The following FMN1 variants were observed in gnomAD, a reference collection of about 807,000 sequenced individuals.
FMN1 encodes formin-1.
A neutral mutation model predicts 132.4 loss-of-function variants in FMN1; 110 were observed. That is an observed-to-expected ratio of 0.83 (90% CI 0.71 to 0.97). FMN1 has a LOEUF of 0.97. Ranked by LOEUF, FMN1 falls within the 50% of genes least tolerant of loss-of-function variation. The probability of loss-of-function intolerance (pLI) is 0.00; values close to 1 mark genes in which losing one functional copy is unlikely to be tolerated. For synonymous variants in FMN1, 722 were observed against 651.7 expected, an observed-to-expected ratio of 1.11 and a Z score of -1.64; for missense variants, 1,792 against 1,705.3, an observed-to-expected ratio of 1.05 and a Z score of -0.90.
chr15:33,019,825 G>A (rs760873595), intron 6 of FMN1, among the ~76,000 whole-genome samples: 5 of 152,130 alleles, frequency 3.3e-5, no homozygotes, highest in Non-Finnish European at 5.9e-5. Flanking sequence ...CGCAAGCACC[G>A]CGTGCAGCCC....
chr15:32,936,770 G>A (rs77533289), intron 9 of FMN1, among the ~76,000 whole-genome samples: 9,602 of 152,110 alleles, frequency 0.063, 429 homozygotes, highest in Middle Eastern at 0.15. Context: ...AGCAAGAGGA[G>A]GAGGAAGCAG....
chr15:33,102,081 T>C (rs1413432326), intron 4 of FMN1, among the ~76,000 whole-genome samples: 1 of 152,092 alleles, frequency 6.6e-6, no homozygotes, highest in Non-Finnish European at 1.5e-5. Flanking sequence ...TTTCTATTCT[T>C]TTGGGTGTAC....
intron 7 of FMN1, among the ~76,000 whole-genome samples, chr15:32,985,081 A>G (rs907373337): frequency 5.3e-5 from 8 of 151,942 alleles, no homozygotes; most frequent in Non-Finnish European, 1.0e-4. Context: ...ATGTTGCGCG[A>G]AAGGATTAGC....
intron 19 of FMN1, among the ~76,000 whole-genome samples, chr15:32,784,590 G>C (rs1567161744): frequency 6.6e-6 from 1 of 152,182 alleles, no homozygotes; most frequent in Non-Finnish European, 1.5e-5. Context: ...CAAGATTTCA[G>C]ATTTTGGGCT....
rs538736467 is a variant in FMN1 at position 32,874,645 on chromosome 15, A to C, written c.3835+13527T>G. ...CAGTCAGATTCCTGTTCCTGAGCAG[A>C]AGAGAAATCAGAAGTAGGAATAAAT... is the stretch of plus-strand genomic sequence containing the variant. On this transcript the variant is annotated intron_variant, in intron 16 of 20. Transcript: ENST00000616417. 9.5e-4 allele frequency among the ~76,000 whole-genome samples: 144 copies of C among 152,308 alleles called. 2 individuals are homozygous for C. The highest frequency in any genetic ancestry group is 1.2e-3 in the Non-Finnish European group (79 of 68,024).
chr15:32,854,729 A>G (rs1466271042), intron 17 of FMN1, among the ~76,000 whole-genome samples: 1 of 152,106 alleles, frequency 6.6e-6, no homozygotes, highest in East Asian at 1.9e-4. Flanking sequence ...CCTGGCCAAC[A>G]TAGTGAAACC....
At chr15:33,174,984 A>G (rs547141070) in intron 3 of FMN1, among the ~76,000 whole-genome samples, 1 of 152,284 alleles carries the variant, frequency 6.6e-6, no homozygotes, top group South Asian at 2.1e-4. Flanking sequence ...TTTTCTTATC[A>G]CATCTGCTTT....
intron 5 of FMN1, among the ~76,000 whole-genome samples, chr15:33,070,072 C>A (rs1320024835): frequency 1.6e-5 from 2 of 129,026 alleles, no homozygotes; most frequent in Admixed American, 9.4e-5. Context: ...ATGGTGCAAT[C>A]TCCGCTCACC....
intron 2 of FMN1, among the ~76,000 whole-genome samples, chr15:33,186,024 C>A (rs1285729563): frequency 2.0e-5 from 3 of 152,028 alleles, no homozygotes; most frequent in Non-Finnish European, 4.4e-5. Context: ...AGACATTATT[C>A]ATCTCATCCC....
At chr15:33,061,029 C>T (rs909940659) in intron 6 of FMN1, among the ~76,000 whole-genome samples, 3 of 152,158 alleles carry the variant, frequency 2.0e-5, no homozygotes, top group Admixed American at 1.3e-4. Flanking sequence ...GTTGAGTGTT[C>T]GGAACAGGTT....
At position 33,065,001 on chromosome 15, in the gene FMN1, G is replaced by T. The variant is rs761198991; in HGVS notation, c.2117C>A (p.Thr706Lys). 1 of 1,612,016 alleles carries T rather than the reference G, an allele frequency of 6.2e-7. No individual in the cohort carries two copies. The highest frequency in any genetic ancestry group is 1.7e-5 in the Admixed American group (1 of 59,720). ...RLQAVWPPPK[T>K]KDTEEKVGLK... Reference sequence around the variant, plus strand: ...TCCCACTTTTTCTTCTGTGTCTTTTGTCTTTGGGGGTGGCCAGACAGCTTG... The same window carrying T: ...TCCCACTTTTTCTTCTGTGTCTTTTTTCTTTGGGGGTGGCCAGACAGCTTG... Residue 706 changes from threonine (T) to lysine (K), a missense_variant, in exon 6 of 21, where the codon ACA becomes AAA. By Grantham distance (78) the Thr-to-Lys change is moderately conservative. Around this residue, in one of 3 missense-constraint regions of FMN1, gnomAD observed 1,150 missense variants for 1,043.1 expected, o/e 1.10. Coordinates refer to ENST00000616417, the MANE Select transcript of FMN1 (RefSeq NM_001277313.2).
intron 4 of FMN1, among the ~76,000 whole-genome samples, chr15:33,143,969 G>A (rs77513182): frequency 0.011 from 1,650 of 152,152 alleles, 10 homozygotes; most frequent in Non-Finnish European, 0.018. Context: ...AAAACCTATC[G>A]CCTTGATAGA....
chr15:33,167,334 CTT>C (rs1323964446), intron 3 of FMN1, among the ~76,000 whole-genome samples: 1 of 152,186 alleles, frequency 6.6e-6, no homozygotes, highest in Non-Finnish European at 1.5e-5. Flanking sequence ...TAAGATGTGC[CTT>C]TACTTCTCCT....
At chr15:33,020,235 C>T (rs925247549) in intron 6 of FMN1, among the ~76,000 whole-genome samples, 14 of 152,314 alleles carry the variant, frequency 9.2e-5, no homozygotes, top group Admixed American at 8.5e-4. Context: ...GTATCAAATA[C>T]TATCGCCAGG....
At chr15:33,011,402 A>C (rs999980961) in intron 6 of FMN1, among the ~76,000 whole-genome samples, 1 of 152,112 alleles carries the variant, frequency 6.6e-6, no homozygotes, top group Non-Finnish European at 1.5e-5. Flanking sequence ...ACCTTATACT[A>C]TAATCTATTA....
chr15:32,988,948 T>A (rs1235517493), intron 7 of FMN1, among the ~76,000 whole-genome samples: 1 of 152,210 alleles, frequency 6.6e-6, no homozygotes, highest in Admixed American at 6.5e-5. Context: ...ACGCACAACA[T>A]CTGATAAATG....
At chr15:33,100,709 CCTT>C (rs1363512819) in intron 4 of FMN1, among the ~76,000 whole-genome samples, 2 of 152,128 alleles carry the variant, frequency 1.3e-5, no homozygotes, top group African/African-American at 4.8e-5. Context: ...GTGAATCTAT[CCTT>C]CTGTGAATTT....
intron 7 of FMN1, among the ~76,000 whole-genome samples, chr15:32,993,411 C>CA (rs1048091283): frequency 6.6e-6 from 1 of 152,006 alleles, no homozygotes; most frequent in African/African-American, 2.4e-5. Flanking sequence ...AGTTTTAAAA[C>CA]AAAACAAACA....
rs75798403 is a variant in FMN1 at position 32,773,994 on chromosome 15, C to A, written c.*316G>T. 43,647 of 357,572 alleles carry A rather than the reference C, an allele frequency of 0.12. 2,891 individuals are homozygous for A. The highest frequency in any genetic ancestry group is 0.18 in the Middle Eastern group (234 of 1,282). 22.1% of individuals were successfully genotyped at this position (357,572 alleles called of 1,614,324 possible). On this transcript the variant is annotated 3_prime_UTR_variant, in exon 21 of 21. Coordinates refer to ENST00000616417, the MANE Select transcript of FMN1 (RefSeq NM_001277313.2). ...AAGCTTTGGTTATAAAGCTGGAAATCTCAGCTTTTAAAAAAATTTTGGAAA... is the reference window on the plus strand; with the variant it reads ...AAGCTTTGGTTATAAAGCTGGAAATATCAGCTTTTAAAAAAATTTTGGAAA...
Sources: allele counts gnomAD v4.1 joint callset (sites outside exome capture counted in the v4.1 genomes callset), GRCh38; gene constraint gnomAD v4.1.1; regional missense constraint gnomAD v4.1.1; transcripts MANE v1.5; gene names NCBI Gene and HGNC (gene_info 2026-07-23, HGNC 2026-07-21).